The following CSMD2 variants were observed in gnomAD, a reference collection of about 807,000 sequenced individuals.
The protein encoded by CSMD2 is CUB and sushi domain-containing protein 2.
A neutral mutation model predicts 398.5 loss-of-function variants in CSMD2; 130 were observed. That is an observed-to-expected ratio of 0.33 (90% CI 0.28 to 0.38). CSMD2 has a LOEUF of 0.38. Among genes scored for constraint, CSMD2 ranks in the 10% least tolerant of loss-of-function variants. The pLI, the probability that CSMD2 is intolerant of heterozygous loss-of-function variation, is 1.00. For missense variants in CSMD2, 3,829 were observed against 4,764.9 expected (o/e 0.80, Z 5.78); for synonymous variants, 1,828 against 1,908.5 (o/e 0.96, Z 1.10).
chr1:34,105,547 T>C (rs1489800716), intron 1 of CSMD2, among the ~76,000 whole-genome samples: 2 of 152,198 alleles, frequency 1.3e-5, no homozygotes, highest in Non-Finnish European at 2.9e-5. Flanking sequence ...TGGACCTCCA[T>C]GACCTGAAGT....
At chr1:33,843,799 C>T (rs1322424538) in intron 6 of CSMD2, among the ~76,000 whole-genome samples, 1 of 152,200 alleles carries the variant, frequency 6.6e-6, no homozygotes, top group Non-Finnish European at 1.5e-5. Context: ...CCCCTGATCC[C>T]CTCCTCACGC....
At position 33,739,247 on chromosome 1, in the gene CSMD2, G is replaced by A. The variant is rs1290653329; in HGVS notation, c.2261C>T (p.Ser754Phe). Residue 754 changes from serine to phenylalanine, a missense_variant, in exon 15 of 71, where the codon TCC becomes TTC. Physicochemically the swap from Ser to Phe is radical, Grantham distance 155 (BLOSUM62 -2). Around this residue, in one of 5 missense-constraint regions of CSMD2, gnomAD observed 2,001 missense variants for 2,567.1 expected, o/e 0.78. Transcript: ENST00000373381. Reference protein sequence around the residue: ...GDSLQLGSSISFLCDEGFLGT... With the variant: ...GDSLQLGSSIFFLCDEGFLGT... ...AAGGAAGCCTTCATCACAGAGGAAG[G>A]AGATGGAGCTGCCCAGCTGGAGGCT... 3 of 1,614,098 alleles carry A rather than the reference G, an allele frequency of 1.9e-6. No individual in the cohort carries two copies. The African/African-American group carries it at 4.0e-5, about 22-fold the overall frequency.
intron 44 of CSMD2, chr1:33,599,889 G>A (rs1458227483): frequency 2.1e-5 from 9 of 422,654 alleles, no homozygotes; most frequent in South Asian, 1.2e-4. Context: ...GCAAGTGCAC[G>A]CATGATGTAA....
intron 2 of CSMD2, among the ~76,000 whole-genome samples, chr1:34,062,590 A>C (rs1269456853): frequency 6.6e-6 from 1 of 152,160 alleles, no homozygotes; most frequent in Non-Finnish European, 1.5e-5. Context: ...TGAGCAAGAG[A>C]TCCCAAGGTG....
At chr1:33,609,715 T>A (rs973277381) in intron 41 of CSMD2, among the ~76,000 whole-genome samples, 1 of 152,174 alleles carries the variant, frequency 6.6e-6, no homozygotes, top group African/African-American at 2.4e-5. Context: ...TACGATCCAA[T>A]TTTGGCTAAA....
Position 33,792,428 on chromosome 1 carries a change from G to A in CSMD2, c.1545C>T (p.Leu515=), listed in dbSNP as rs1557901667. 1 of 1,612,460 alleles carries A rather than the reference G, an allele frequency of 6.2e-7. No homozygotes were observed. Among genetic ancestry groups the A allele is most frequent in the Non-Finnish European group, 8.5e-7 (1 of 1,178,596 alleles). The part of the protein sequence containing the change: ...GGQDGDQKTV[L]YILTGTSVPD... Reference sequence around the variant, plus strand: ...ACATGCCCCACTGCACTTACATGTAGAGAACTGTCTTCTGGTCCCCATCCT... The same window carrying A: ...ACATGCCCCACTGCACTTACATGTAAAGAACTGTCTTCTGGTCCCCATCCT... Residue 515 remains leucine (L), a synonymous_variant, in exon 11 of 71, where the codon CTC becomes CTT. Coordinates refer to ENST00000373381, the MANE Select transcript of CSMD2 (RefSeq NM_001281956.2).
chr1:34,091,644 A>G (rs1658574455), intron 1 of CSMD2, among the ~76,000 whole-genome samples: 5 of 148,344 alleles, frequency 3.4e-5, no homozygotes. Context: ...GTATCCCATT[A>G]AATGAGAAAA....
At chr1:33,901,365 A>C (rs919802863) in intron 5 of CSMD2, among the ~76,000 whole-genome samples, 13 of 152,314 alleles carry the variant, frequency 8.5e-5, no homozygotes, top group Admixed American at 5.2e-4. Context: ...TATTCAACAA[A>C]TTGTCAGAAA....
intron 3 of CSMD2, among the ~76,000 whole-genome samples, chr1:34,016,844 A>G (rs1648192273): frequency 6.6e-6 from 1 of 152,238 alleles, no homozygotes; most frequent in Admixed American, 6.5e-5. Flanking sequence ...TTACGATAAG[A>G]TTAGAAAACG....
rs551188170 is a variant in CSMD2 at position 33,626,834 on chromosome 1, C to A, written c.5201-253G>T. ...AGGTTGGCATGACAGAGTTCAGTAC[C>A]CTCATTTAATAAAGAAGGAAAGAGA... On this transcript the variant is annotated intron_variant, in intron 32 of 70. Coordinates refer to ENST00000373381, the MANE Select transcript of CSMD2 (RefSeq NM_001281956.2). Among the ~76,000 whole-genome samples the A allele has an allele frequency of 3.9e-5, 6 of 152,266 alleles. No individual in the cohort carries two copies. In the South Asian group the frequency reaches 1.2e-3, roughly 32 times the overall value.
At position 33,646,732 on chromosome 1, in the gene CSMD2, T is replaced by C; in HGVS notation, c.4690A>G (p.Ile1564Val). Residue 1564 changes from isoleucine (I) to valine (V), a missense_variant, in exon 29 of 71, where the codon ATT (isoleucine) becomes GTT (valine). Physicochemically the swap from Ile to Val is conservative, Grantham distance 29. Around this residue, in one of 5 missense-constraint regions of CSMD2, gnomAD observed 2,001 missense variants for 2,567.1 expected, o/e 0.78. Transcript: ENST00000373381. ...SFYGSQLPGR[I>V]ESSSNSLFLA... The stretch of plus-strand genomic sequence containing the variant: ...AAGAGGCTGTTGCTGCTGCTTTCAA[T>C]GCGGCCTGGGAGCTGGGAGCCATAG... The C allele has an allele frequency of 6.2e-7, 1 of 1,614,160 alleles. No homozygotes were observed. The highest frequency in any genetic ancestry group is 2.2e-5 in the East Asian group (1 of 44,882).
At chr1:33,809,524 G>A (rs1293609155) in intron 10 of CSMD2, among the ~76,000 whole-genome samples, 1 of 151,850 alleles carries the variant, frequency 6.6e-6, no homozygotes, top group Non-Finnish European at 1.5e-5. Flanking sequence ...ATTATAAAAG[G>A]AGTATCTACA....
intron 25 of CSMD2, among the ~76,000 whole-genome samples, chr1:33,684,108 C>T (rs1489098762): frequency 6.6e-6 from 1 of 152,128 alleles, no homozygotes; most frequent in Non-Finnish European, 1.5e-5. Context: ...TGTGACTGAT[C>T]TGAAACGACA....
At chr1:34,069,894 T>C (rs1302842448) in intron 2 of CSMD2, among the ~76,000 whole-genome samples, 1 of 152,176 alleles carries the variant, frequency 6.6e-6, no homozygotes, top group Non-Finnish European at 1.5e-5. Context: ...GCAATTTAAA[T>C]CTTTTCAGAA....
intron 5 of CSMD2, among the ~76,000 whole-genome samples, chr1:33,909,689 C>T (rs1014947539): frequency 2.6e-5 from 4 of 152,128 alleles, no homozygotes; most frequent in Non-Finnish European, 5.9e-5. Flanking sequence ...CTATGAAAGA[C>T]GATGCTGGTG....
intron 1 of CSMD2, among the ~76,000 whole-genome samples, chr1:34,152,596 C>T (rs975295736): frequency 6.6e-6 from 1 of 152,176 alleles, no homozygotes; most frequent in African/African-American, 2.4e-5. Flanking sequence ...TTTCCTGCTC[C>T]CCTCTTCACC....
At chr1:34,115,070 T>C (rs1035973009) in intron 1 of CSMD2, among the ~76,000 whole-genome samples, 4 of 151,342 alleles carry the variant, frequency 2.6e-5, no homozygotes, top group Admixed American at 6.6e-5. Context: ...GAAAAAAGAA[T>C]GAACAAAAGT....
intron 5 of CSMD2, among the ~76,000 whole-genome samples, chr1:33,897,956 G>A (rs541640712): frequency 7.9e-5 from 12 of 152,254 alleles, no homozygotes; most frequent in African/African-American, 2.6e-4. Flanking sequence ...GAGTGTGGGT[G>A]TAAGGTGGTC....
intron 19 of CSMD2, among the ~76,000 whole-genome samples, chr1:33,717,856 A>C (rs1012206497): frequency 6.6e-6 from 1 of 151,988 alleles, no homozygotes; most frequent in African/African-American, 2.4e-5. Flanking sequence ...GGAAAGAGGG[A>C]GGAGGGAGCT....
Sources: gnomAD v4.1 joint callset for allele counts (sites outside exome capture counted in the v4.1 genomes callset) on GRCh38, gnomAD v4.1.1 for gene constraint, gnomAD v4.1.1 regional missense constraint, MANE v1.5 for transcripts, NCBI Gene and HGNC (gene_info 2026-07-23, HGNC 2026-07-21) for gene names.